The following USP15 variants were observed in gnomAD, a reference collection of about 807,000 sequenced individuals.
USP15 encodes ubiquitin specific peptidase 15.
Under a neutral mutation model 127.1 loss-of-function variants are expected in USP15, and 18 were observed. The observed-to-expected ratio is 0.14, with a 90% CI of 0.10 to 0.21. USP15 has a LOEUF of 0.21. Ranked by LOEUF, USP15 falls within the 10% of genes least tolerant of loss-of-function variation. USP15 has a pLI of 1.00. For synonymous variants in USP15, 364 were observed against 393.7 expected (o/e 0.92, Z 0.89); for missense variants, 805 against 1,159.9 (o/e 0.69, Z 4.44).
Position 62,331,786 on chromosome 12 carries a change from A to G in USP15, c.683+5853A>G, listed in dbSNP as rs558420110. Among the ~76,000 whole-genome samples the G allele has an allele frequency of 2.6e-5, 4 of 152,340 alleles. No individual in the cohort carries two copies. In the South Asian group the frequency reaches 8.3e-4, roughly 32 times the overall value. On this transcript the variant is annotated intron_variant, in intron 6 of 21. Coordinates refer to ENST00000280377, the MANE Select transcript of USP15 (RefSeq NM_001252078.2). ...ATGTAGTCATTTAGTTACAAAAAAA[A>G]TATGTGTATATGCTTTTAATCAGCA...
intron 20 of USP15, among the ~76,000 whole-genome samples, chr12:62,399,513 C>G (rs2067607725): frequency 6.6e-6 from 1 of 152,140 alleles, no homozygotes; most frequent in Admixed American, 6.5e-5. Context: ...AATTTAAACG[C>G]TTTCTTCTAG....
At chr12:62,261,473 A>G (rs1211299569) in intron 1 of USP15, among the ~76,000 whole-genome samples, 6 of 152,226 alleles carry the variant, frequency 3.9e-5, no homozygotes, top group Admixed American at 3.9e-4. Context: ...TAACAGTAGT[A>G]TATAATTCAT....
chr12:62,301,517 A>T (rs570105387), intron 2 of USP15, among the ~76,000 whole-genome samples: 68 of 152,316 alleles, frequency 4.5e-4, no homozygotes, highest in South Asian at 3.1e-3. Context: ...AAAAGAAATT[A>T]AGTATTGATA....
chr12:62,341,100 G>T (rs1190388722), intron 6 of USP15, among the ~76,000 whole-genome samples: 2 of 152,058 alleles, frequency 1.3e-5, no homozygotes, highest in African/African-American at 4.8e-5. Flanking sequence ...AGCTCTTCTT[G>T]TGGCATTGAT....
intron 8 of USP15, among the ~76,000 whole-genome samples, chr12:62,359,197 C>T (rs925784328): frequency 6.7e-6 from 1 of 149,462 alleles, no homozygotes; most frequent in African/African-American, 2.5e-5. Flanking sequence ...CTCATGGATC[C>T]CAGGACTCTG....
chr12:62,354,266 AG>A (rs1359528430), intron 7 of USP15, among the ~76,000 whole-genome samples: 6 of 151,978 alleles, frequency 3.9e-5, no homozygotes, highest in Non-Finnish European at 7.4e-5. Flanking sequence ...TAAAATTATA[AG>A]AAAAAACTAC....
chr12:62,310,597 T>G (rs975041469), intron 3 of USP15, among the ~76,000 whole-genome samples: 29 of 151,752 alleles, frequency 1.9e-4, no homozygotes, highest in South Asian at 4.1e-4. Flanking sequence ...CTCCATTGTT[T>G]ATATATATAT....
chr12:62,392,719 T>G (rs765016491), intron 18 of USP15, among the ~76,000 whole-genome samples: 20 of 152,148 alleles, frequency 1.3e-4, no homozygotes, highest in Non-Finnish European at 2.5e-4. Flanking sequence ...TGTGGTGTTA[T>G]TCCATTAGAG....
chr12:62,391,883 T>A lies in USP15; in HGVS notation c.2301T>A (p.Ala767=). The part of the protein sequence containing the change: ...LKKRYFDENA[A]EDFEKHESVE... ...AAAGATATTTTGATGAAAATGCTGC[T>A]GAGGTAAGTCATCACTCACTCACTT... The change falls in exon 17 of 22, where the codon GCT becomes GCA. Residue 767 remains alanine, a synonymous_variant. Transcript: ENST00000280377. The A allele has an allele frequency of 6.2e-7, 1 of 1,607,794 alleles. No individual in the cohort carries two copies. The highest frequency in any genetic ancestry group is 8.5e-7 in the Non-Finnish European group (1 of 1,176,420).
At chr12:62,375,847 T>C (rs369869664) in intron 8 of USP15, among the ~76,000 whole-genome samples, 78 of 152,254 alleles carry the variant, frequency 5.1e-4, no homozygotes, top group African/African-American at 1.7e-3. Context: ...ACAAAACCAC[T>C]TAGCAGTCAT....
intron 1 of USP15, among the ~76,000 whole-genome samples, chr12:62,273,467 G>A (rs1354128423): frequency 1.3e-5 from 2 of 152,008 alleles, no homozygotes; most frequent in Non-Finnish European, 2.9e-5. Context: ...ATGGACAGTC[G>A]AAGGGTTTTA....
intron 3 of USP15, among the ~76,000 whole-genome samples, chr12:62,313,799 A>C (rs2064750984): frequency 6.6e-6 from 1 of 151,762 alleles, no homozygotes; most frequent in African/African-American, 2.4e-5. Context: ...AGTATCATAA[A>C]AATGTGTGTT....
At chr12:62,314,997 T>A in intron 4 of USP15, 81 bp downstream of exon 4, 3 of 1,291,202 alleles carry the variant, frequency 2.3e-6, no homozygotes, top group Non-Finnish European at 3.0e-6. Flanking sequence ...GCTACTTGGA[T>A]GATAACCATT....
At chr12:62,324,737 T>C (rs2065081214) in intron 5 of USP15, among the ~76,000 whole-genome samples, 1 of 151,972 alleles carries the variant, frequency 6.6e-6, no homozygotes, top group Non-Finnish European at 1.5e-5. Flanking sequence ...ATATTTTAAT[T>C]AGCATCTCTT....
intron 11 of USP15, among the ~76,000 whole-genome samples, chr12:62,388,131 T>G (rs1351694492): frequency 6.8e-6 from 1 of 147,504 alleles, no homozygotes; most frequent in Non-Finnish European, 1.5e-5. Flanking sequence ...TTTTTTTTTT[T>G]TTTTTTTTTT....
intron 6 of USP15, among the ~76,000 whole-genome samples, chr12:62,337,879 C>G (rs1447362187): frequency 6.6e-6 from 1 of 152,100 alleles, no homozygotes; most frequent in Non-Finnish European, 1.5e-5. Flanking sequence ...TCCAGTCTAT[C>G]AGGATGGAGA....
At chr12:62,295,866 C>T (rs1264715048) in intron 2 of USP15, among the ~76,000 whole-genome samples, 2 of 152,224 alleles carry the variant, frequency 1.3e-5, no homozygotes, top group African/African-American at 2.4e-5. Context: ...GTATAATACT[C>T]TCCCCTTTGA....
chr12:62,283,952 A>G (rs577984360), intron 1 of USP15, among the ~76,000 whole-genome samples: 61 of 152,282 alleles, frequency 4.0e-4, no homozygotes, highest in Non-Finnish European at 7.6e-4. Flanking sequence ...CAAAAAACAA[A>G]CAACAAATAT....
rs2065902583 is a variant in USP15 at position 62,349,211 on chromosome 12, A to AT, written c.684-5dup. On this transcript the variant is annotated splice_polypyrimidine_tract_variant and intron_variant, in intron 6 of 21. Coordinates refer to ENST00000280377, the MANE Select transcript of USP15 (RefSeq NM_001252078.2). Reference sequence around the variant, plus strand: ...TTTTTATCTAATTTAACATTTTCATATTTTTAAAGGTCCCCAGGTGCATCC... The same window carrying AT: ...TTTTTATCTAATTTAACATTTTCATATTTTTTAAAGGTCCCCAGGTGCATCC... 2 of 1,424,646 alleles carry AT rather than the reference A, an allele frequency of 1.4e-6. No homozygotes were observed. Among genetic ancestry groups the AT allele is most frequent in the Non-Finnish European group, 1.8e-6 (2 of 1,084,826 alleles). 88.3% of individuals were successfully genotyped at this position (1,424,646 alleles called of 1,614,324 possible).
Sources: gnomAD v4.1 joint callset for allele counts (sites outside exome capture counted in the v4.1 genomes callset) on GRCh38, gnomAD v4.1.1 for gene constraint, MANE v1.5 for transcripts, NCBI Gene and HGNC (gene_info 2026-07-23, HGNC 2026-07-21) for gene names.